STIP1: variants seen among roughly 807,000 people sequenced by gnomAD.
STIP1 encodes the protein stress-induced-phosphoprotein 1.
In STIP1, 16 loss-of-function variants were observed where a neutral mutation model predicts 77.4. The observed-to-expected ratio is 0.21, with a 90% CI of 0.14 to 0.31. The LOEUF (loss-of-function observed/expected upper bound fraction) is 0.31. STIP1 is among the 10% of genes least tolerant of loss of function. The pLI, the probability that STIP1 is intolerant of heterozygous loss-of-function variation, is 1.00. For synonymous variants in STIP1, 258 were observed against 246.6 expected, an observed-to-expected ratio of 1.05 and a Z score of -0.44; for missense variants, 524 against 684.8, an observed-to-expected ratio of 0.77 and a Z score of 2.62.
At chr11:64,198,910 C>A (rs575093108) in intron 8 of STIP1, among the ~76,000 whole-genome samples, 1 of 152,042 alleles carries the variant, frequency 6.6e-6, no homozygotes, top group South Asian at 2.1e-4. Context: ...TAAAATCTTG[C>A]CAGCAATAGC....
intron 5 of STIP1, among the ~76,000 whole-genome samples, chr11:64,196,115 G>A (rs1946147459): frequency 6.6e-6 from 1 of 152,106 alleles, no homozygotes; most frequent in Non-Finnish European, 1.5e-5. Flanking sequence ...TCAGCTTCAG[G>A]CCAGGCACGG....
chr11:64,195,992 T>C, intron 5 of STIP1, 179 bp downstream of exon 5: 1 of 795,774 alleles, frequency 1.3e-6, no homozygotes, highest in Non-Finnish European at 2.0e-6. Context: ...TGCTCCTGCT[T>C]CAGCTAGGAT....
chr11:64,188,139 G>A (rs1053549082), intron 1 of STIP1, among the ~76,000 whole-genome samples: 1 of 151,852 alleles, frequency 6.6e-6, no homozygotes, highest in Non-Finnish European at 1.5e-5. Context: ...CTGAGGTCAG[G>A]AGTTCTACAC....
upstream of STIP1, chr11:64,185,886 G>T: frequency 6.5e-7 from 1 of 1,536,170 alleles, no homozygotes; most frequent in Non-Finnish European, 8.7e-7. Flanking sequence ...ACCAATGGGC[G>T]CGGCCAGCGC....
rs188733433 is a variant in STIP1 at position 64,192,798 on chromosome 11, G to A, written c.10-280G>A. On this transcript the variant is annotated intron_variant, in intron 1 of 13. Transcript: ENST00000305218. ...ATGTGGCACATTCTGGAGTGGCTTC[G>A]TGAGCTCCATGTGGAGACCGGAAGA... 3.3e-5 allele frequency among the ~76,000 whole-genome samples: 5 copies of A among 152,354 alleles called. No individual in the cohort carries two copies. The East Asian group carries it at 7.7e-4, about 23-fold the overall frequency.
intron 1 of STIP1, among the ~76,000 whole-genome samples, chr11:64,189,139 G>A (rs2134782245): frequency 6.6e-6 from 1 of 152,328 alleles, no homozygotes; most frequent in Admixed American, 6.5e-5. Context: ...GAGGCGGGTG[G>A]ATCACGAGGT....
At position 64,195,288 on chromosome 11, in the gene STIP1, A is replaced by G. The variant is rs533345093; in HGVS notation, c.504-357A>G. 2.0e-5 allele frequency among the ~76,000 whole-genome samples: 3 copies of G among 151,846 alleles called. No homozygotes were observed. In the East Asian group the frequency reaches 5.8e-4, roughly 29 times the overall value. ...GCCACCACGCCCAGCTAATTTTTGTATGTTTAGTAGTAGCGGTGGGTTTCA... is the reference window on the plus strand; with the variant it reads ...GCCACCACGCCCAGCTAATTTTTGTGTGTTTAGTAGTAGCGGTGGGTTTCA... On this transcript the variant is annotated intron_variant, in intron 4 of 13. Transcript: ENST00000305218.
chr11:64,196,342 G>A (rs1042758835), intron 5 of STIP1, among the ~76,000 whole-genome samples: 2 of 146,274 alleles, frequency 1.4e-5, no homozygotes, highest in Admixed American at 7.2e-5. Context: ...GTTGCAATAA[G>A]CTGAGAGCTC....
At chr11:64,188,154 C>G (rs1410151769) in intron 1 of STIP1, among the ~76,000 whole-genome samples, 1 of 152,008 alleles carries the variant, frequency 6.6e-6, no homozygotes, top group East Asian at 1.9e-4. Context: ...CTACACCAGC[C>G]TGGCCAACAT....
In STIP1 at chr11:64,202,900, G is replaced by A; in HGVS notation, c.1270G>A (p.Glu424Lys). The change falls in exon 11 of 14, where the codon GAG becomes AAG. Residue 424 changes from glutamate (E) to lysine (K), a missense_variant. Glu to Lys is a moderately conservative substitution (Grantham distance 56, BLOSUM62 1). Coordinates refer to ENST00000305218, the MANE Select transcript of STIP1 (RefSeq NM_006819.3). ...GGACTGTGAGGAATGTATCCAGCTGGAGCCGACCTTCAGTAAGTGCCTTTC... is the reference window on the plus strand; with the variant it reads ...GGACTGTGAGGAATGTATCCAGCTGAAGCCGACCTTCAGTAAGTGCCTTTC... ...LKDCEECIQL[E>K]PTFIKGYTRK... 13 of 1,614,142 alleles carry A rather than the reference G, an allele frequency of 8.1e-6. No individual in the cohort carries two copies. Among genetic ancestry groups the A allele is most frequent in the Non-Finnish European group, 1.0e-5 (12 of 1,180,028 alleles).
rs751259084 is a variant in STIP1 at position 64,204,151 on chromosome 11, T to C, written c.*25T>C. On this transcript the variant is annotated 3_prime_UTR_variant, in exon 14 of 14. Transcript: ENST00000305218. ...ATGACTTGTTCATCCCCCCTTCCCT[T>C]CGCCCTCATGTGGAAAGAGGAGCTG... 4 of 1,613,586 alleles carry C rather than the reference T, an allele frequency of 2.5e-6. No individual in the cohort carries two copies. In the East Asian group the frequency reaches 8.9e-5, roughly 36 times the overall value.
At chr11:64,185,695 G>C (rs1042837681), upstream of STIP1, 30 of 1,282,328 alleles carry the variant, frequency 2.3e-5, no homozygotes, top group African/African-American at 4.2e-4. Flanking sequence ...GACTGCAGCC[G>C]GTACTCCCAT....
intron 1 of STIP1, among the ~76,000 whole-genome samples, chr11:64,192,295 C>T (rs1946101786): frequency 6.6e-6 from 1 of 152,166 alleles, no homozygotes; most frequent in African/African-American, 2.4e-5. Flanking sequence ...GCCTGGGTGA[C>T]AGAGTGAGAC....
intron 1 of STIP1, among the ~76,000 whole-genome samples, chr11:64,191,757 CTTTT>C (rs879445704): frequency 7.0e-6 from 1 of 143,006 alleles, no homozygotes; most frequent in Non-Finnish European, 1.5e-5. Context: ...GCCTGCCTCA[CTTTT>C]TTTTTTTTTT....
At chr11:64,200,399 G>C (rs1271180936) in intron 10 of STIP1, 106 bp downstream of exon 10, 2 of 1,502,778 alleles carry the variant, frequency 1.3e-6, no homozygotes, top group Non-Finnish European at 1.8e-6. Context: ...CATGATGTTT[G>C]AGACAGTGTC....
intron 8 of STIP1, among the ~76,000 whole-genome samples, chr11:64,198,212 C>T (rs568043072): frequency 6.3e-4 from 96 of 151,854 alleles, no homozygotes; most frequent in Non-Finnish European, 4.4e-5. Context: ...CGTGCCACCA[C>T]GTCCAGCTAA....
rs1451639344 is a variant in STIP1 at position 64,193,276 on chromosome 11, G to A, written c.208G>A (p.Asp70Asn). ...DGCKTVDLKP[D>N]WGKGYSRKAA... Reference sequence around the variant, plus strand: ...CTGCAAGACTGTCGACCTAAAGCCTGACTGGGGCAAGGTCAGCTGTGGGCA... The same window carrying A: ...CTGCAAGACTGTCGACCTAAAGCCTAACTGGGGCAAGGTCAGCTGTGGGCA... Residue 70 changes from aspartate to asparagine, a missense_variant, in exon 2 of 14, where the codon GAC becomes AAC. By Grantham distance (23) the Asp-to-Asn change is conservative. Coordinates refer to ENST00000305218, the MANE Select transcript of STIP1 (RefSeq NM_006819.3). 2 of 1,614,196 alleles carry A rather than the reference G, an allele frequency of 1.2e-6. No individual in the cohort carries two copies. The highest frequency in any genetic ancestry group is 2.2e-5 in the South Asian group (2 of 91,066).
At position 64,197,589 on chromosome 11, in the gene STIP1, T is replaced by C; in HGVS notation, c.896T>C (p.Ile299Thr). The C allele has an allele frequency of 6.2e-7, 1 of 1,614,094 alleles. No homozygotes were observed. Reference protein sequence around the residue: ...GRENREDYRQIAKAYARIGNS... With the variant: ...GRENREDYRQTAKAYARIGNS... ...GAAAACCGAGAAGACTATCGACAGA[T>C]TGCCAAGTAGGCTCAACCTTCCAGA... The change falls in exon 7 of 14, where the codon ATT becomes ACT. Residue 299 changes from isoleucine to threonine, a missense_variant. Physicochemically the swap from Ile to Thr is moderately conservative, Grantham distance 89. Coordinates refer to ENST00000305218, the MANE Select transcript of STIP1 (RefSeq NM_006819.3).
intron 12 of STIP1, 27 bp from the exon 13 acceptor site, chr11:64,203,423 T>C: frequency 6.2e-7 from 1 of 1,613,608 alleles, no homozygotes; most frequent in South Asian, 1.1e-5. Context: ...CCTAACACGC[T>C]TCACCTTTGT....
Sources: allele counts gnomAD v4.1 joint callset (sites outside exome capture counted in the v4.1 genomes callset), GRCh38; gene constraint gnomAD v4.1.1; transcripts MANE v1.5; gene names NCBI Gene and HGNC (gene_info 2026-07-23, HGNC 2026-07-21).